The following XIRP2 variants were observed in gnomAD, a reference collection of about 807,000 sequenced individuals.
XIRP2 encodes the protein xin actin-binding repeat-containing protein 2.
A neutral mutation model predicts 277.0 loss-of-function variants in XIRP2; 236 were observed. That is an observed-to-expected ratio of 0.85 (90% CI 0.77 to 0.95). The LOEUF is 0.95. XIRP2 is among the 40% of genes least tolerant of loss of function. XIRP2 has a pLI of 0.00. For synonymous variants in XIRP2, 1,490 were observed against 1,416.5 expected (o/e 1.05, Z -1.17); for missense variants, 4,640 against 4,157.5 (o/e 1.12, Z -3.19).
intron 2 of XIRP2, among the ~76,000 whole-genome samples, chr2:166,966,841 G>A (rs1686445856): frequency 6.6e-6 from 1 of 151,988 alleles, no homozygotes; most frequent in African/African-American, 2.4e-5. Context: ...TAGAGTCTAA[G>A]TGGCATATAT....
intron 2 of XIRP2, among the ~76,000 whole-genome samples, chr2:166,975,549 G>GT (rs1383898771): frequency 6.6e-6 from 1 of 152,130 alleles, no homozygotes. Context: ...AAGATAAATT[G>GT]TAAGGGGTCA....
chr2:167,022,058 G>A (rs1687998340), intron 2 of XIRP2, among the ~76,000 whole-genome samples: 1 of 151,980 alleles, frequency 6.6e-6, no homozygotes, highest in Non-Finnish European at 1.5e-5. Context: ...ATTAATGATG[G>A]CTACAGTAGT....
At chr2:167,082,515 C>G (rs918596223) in intron 2 of XIRP2, among the ~76,000 whole-genome samples, 20 of 152,048 alleles carry the variant, frequency 1.3e-4, no homozygotes, top group African/African-American at 4.8e-4. Flanking sequence ...CCTGAGGAAT[C>G]GCCACACTGA....
chr2:167,211,790 A>T (rs747815899), intron 4 of XIRP2, among the ~76,000 whole-genome samples: 10 of 152,202 alleles, frequency 6.6e-5, no homozygotes, highest in Non-Finnish European at 1.3e-4. Context: ...AATTATGATT[A>T]TAGGAAACTG....
At chr2:167,157,914 G>A (rs1003312165) in intron 3 of XIRP2, among the ~76,000 whole-genome samples, 20 of 151,950 alleles carry the variant, frequency 1.3e-4, no homozygotes, top group Admixed American at 3.3e-4. Flanking sequence ...AATATTGTAG[G>A]AGAGACTATT....
chr2:167,121,449 A>G (rs971750517), intron 2 of XIRP2, among the ~76,000 whole-genome samples: 22 of 152,192 alleles, frequency 1.4e-4, no homozygotes, highest in African/African-American at 5.1e-4. Flanking sequence ...TTTGCATGCT[A>G]ACACCTAAAT....
chr2:167,118,369 C>T (rs966674707), intron 2 of XIRP2, among the ~76,000 whole-genome samples: 1 of 152,034 alleles, frequency 6.6e-6, no homozygotes, highest in African/African-American at 2.4e-5. Flanking sequence ...GTAATCCCAG[C>T]TGCTCCAGAG....
At chr2:167,169,325 A>T (rs1196193818) in intron 3 of XIRP2, among the ~76,000 whole-genome samples, 2 of 152,210 alleles carry the variant, frequency 1.3e-5, no homozygotes, top group Non-Finnish European at 2.9e-5. Context: ...ACAAAAATGT[A>T]GGGGCTCTCC....
chr2:167,060,223 T>A (rs1364208180), intron 2 of XIRP2, among the ~76,000 whole-genome samples: 1 of 152,170 alleles, frequency 6.6e-6, no homozygotes. Context: ...GAAATTTATG[T>A]AACCCTTTAT....
chr2:167,245,956 G>A lies in XIRP2; in HGVS notation c.4564G>A (p.Val1522Ile). 6.2e-7 allele frequency: 1 copy of A among 1,613,624 alleles called. No homozygotes were observed. Among genetic ancestry groups the A allele is most frequent in the Non-Finnish European group, 8.5e-7 (1 of 1,179,720 alleles). ...CAAGGAAGAAATCCCTCCTTCTGAT[G>A]TCAAAACAACCACATGGCTCTTTGA... Reference protein sequence around the residue: ...MTKEEIPPSDVKTTTWLFETT... With the variant: ...MTKEEIPPSDIKTTTWLFETT... Residue 1522 changes from valine to isoleucine, a missense_variant, in exon 9 of 11, where the codon GTC becomes ATC. By Grantham distance (29) the Val-to-Ile change is conservative (BLOSUM62 3). Transcript: ENST00000409195.
intron 2 of XIRP2, among the ~76,000 whole-genome samples, chr2:166,979,369 C>CTTTTTTTTTTTTTT (rs66909002): frequency 3.7e-5 from 4 of 108,522 alleles, no homozygotes; most frequent in African/African-American, 6.9e-5. Flanking sequence ...CTTTTCTTTT[C>CTTTTTTTTTTTTTT]TTTTTTTTTT....
Position 166,903,633 on chromosome 2 carries a change from G to A in XIRP2, c.151G>A (p.Val51Ile). 1 of 1,613,624 alleles carries A rather than the reference G, an allele frequency of 6.2e-7. No individual in the cohort carries two copies. The highest frequency in any genetic ancestry group is 8.5e-7 in the Non-Finnish European group (1 of 1,179,742). ...SKLLAPEGEV[V>I]SAPQSLDPTS... Reference sequence around the variant, plus strand: ...ATTGCTTGCGCCTGAAGGAGAGGTAGTATCAGCACCTCAATCTTTGGATCC... The same window carrying A: ...ATTGCTTGCGCCTGAAGGAGAGGTAATATCAGCACCTCAATCTTTGGATCC... The change falls in exon 2 of 11, where the codon GTA becomes ATA. Residue 51 changes from valine (V) to isoleucine (I), a missense_variant. Transcript: ENST00000409195.
Position 167,243,977 on chromosome 2 carries a change from T to A in XIRP2, c.2585T>A (p.Leu862Gln). ...ILKEVPDADS[L>Q]QREEIIGGDV... Reference sequence around the variant, plus strand: ...AAAGAAGTTCCTGATGCAGATTCTCTACAACGTGAGGAGATAATAGGTGGT... The same window carrying A: ...AAAGAAGTTCCTGATGCAGATTCTCAACAACGTGAGGAGATAATAGGTGGT... The change falls in exon 9 of 11, where the codon CTA becomes CAA. Residue 862 changes from leucine (L) to glutamine (Q), a missense_variant. By Grantham distance (113) the Leu-to-Gln change is moderately radical. Transcript: ENST00000409195. 1 of 1,614,040 alleles carries A rather than the reference T, an allele frequency of 6.2e-7. No individual in the cohort carries two copies. Among genetic ancestry groups the A allele is most frequent in the Non-Finnish European group, 8.5e-7 (1 of 1,179,956 alleles).
In XIRP2 at chr2:167,011,257, T is replaced by A. The variant is rs1262594889; in HGVS notation, c.408+107367T>A. ...TTGAGATACATCCCATCAATACCTA[T>A]TTTATTGAGAGTTTTTAGCATGAAG... On this transcript the variant is annotated intron_variant, in intron 2 of 10. Transcript: ENST00000409195. 1.5e-4 allele frequency among the ~76,000 whole-genome samples: 23 copies of A among 150,742 alleles called. No homozygotes were observed. The East Asian group carries it at 3.0e-3, about 19-fold the overall frequency.
At chr2:167,177,706 T>A (rs2105354282) in intron 3 of XIRP2, among the ~76,000 whole-genome samples, 1 of 152,322 alleles carries the variant, frequency 6.6e-6, no homozygotes, top group Admixed American at 6.5e-5. Flanking sequence ...ATCTATCAGA[T>A]ATGCAAATAT....
intron 2 of XIRP2, among the ~76,000 whole-genome samples, chr2:167,118,867 G>A (rs890525633): frequency 1.3e-5 from 2 of 152,080 alleles, no homozygotes; most frequent in African/African-American, 4.8e-5. Flanking sequence ...TACTGAAAAA[G>A]GACTAAGACC....
intron 3 of XIRP2, among the ~76,000 whole-genome samples, chr2:167,144,169 G>T (rs1044618511): frequency 6.6e-6 from 1 of 151,906 alleles, no homozygotes; most frequent in African/African-American, 2.4e-5. Context: ...TAATATATGT[G>T]AAAACACAGA....
intron 3 of XIRP2, among the ~76,000 whole-genome samples, chr2:167,208,985 T>G (rs964964750): frequency 3.9e-5 from 6 of 152,198 alleles, no homozygotes; most frequent in African/African-American, 1.4e-4. Context: ...TTCCTCAGCA[T>G]GTGAAAGTCT....
chr2:167,168,178 G>A (rs531953251), intron 3 of XIRP2, among the ~76,000 whole-genome samples: 305 of 152,092 alleles, frequency 2.0e-3, no homozygotes, highest in Non-Finnish European at 3.7e-3. Context: ...CTTTAATCTT[G>A]ATTTTCTGTA....
Sources: gnomAD v4.1 joint callset for allele counts (sites outside exome capture counted in the v4.1 genomes callset) on GRCh38, gnomAD v4.1.1 for gene constraint, MANE v1.5 for transcripts, NCBI Gene and HGNC (gene_info 2026-07-23, HGNC 2026-07-21) for gene names.